The following SMIM45 variants were observed in gnomAD, a reference collection of about 807,000 sequenced individuals.
SMIM45 encodes small integral membrane protein 45.
At chr22:41,949,897 G>A in the SMIM45 span, among the ~76,000 whole-genome samples, 1 of 152,172 alleles carries the variant, frequency 6.6e-6, no homozygotes, top group Admixed American at 6.5e-5. Flanking sequence ...GGTAGGGATG[G>A]GGAGGAGGCC....
the SMIM45 span, chr22:41,952,450 G>C: frequency 6.6e-6 from 1 of 152,438 alleles, no homozygotes; most frequent in Admixed American, 6.5e-5. Context: ...GGAGGGCACC[G>C]AGTGGTGCCA....
the SMIM45 span, among the ~76,000 whole-genome samples, chr22:41,949,978 G>C: frequency 6.6e-6 from 1 of 152,100 alleles, no homozygotes; most frequent in Non-Finnish European, 1.5e-5. Context: ...CTCTGGGCCA[G>C]CATTTTTCAA....
the SMIM45 span, among the ~76,000 whole-genome samples, chr22:41,953,870 C>T: frequency 6.6e-6 from 1 of 150,768 alleles, no homozygotes; most frequent in Non-Finnish European, 1.5e-5. Context: ...CCTGCCTCAG[C>T]CTCCCAAGTA....
At chr22:41,954,956 A>T in the SMIM45 span, among the ~76,000 whole-genome samples, 1 of 152,132 alleles carries the variant, frequency 6.6e-6, no homozygotes, top group Non-Finnish European at 1.5e-5. Flanking sequence ...GTGAGCCGAG[A>T]TCATGCCATT....
chr22:41,952,612 G>A, the SMIM45 span, among the ~76,000 whole-genome samples: 1 of 152,228 alleles, frequency 6.6e-6, no homozygotes, highest in South Asian at 2.1e-4. Flanking sequence ...GGCCCAGAGA[G>A]GGTGAAGAAG....
At chr22:41,947,814 T>G in the SMIM45 span, among the ~76,000 whole-genome samples, 6 of 151,964 alleles carry the variant, frequency 3.9e-5, no homozygotes, top group Non-Finnish European at 4.4e-5. Context: ...TACAGGCAAG[T>G]GCCACCATGG....
the SMIM45 span, among the ~76,000 whole-genome samples, chr22:41,956,979 C>T: frequency 6.4e-3 from 973 of 152,146 alleles, 4 homozygotes; most frequent in Middle Eastern, 0.031. Context: ...TGGGGTTTCA[C>T]CATATTGGCC....
chr22:41,947,426 C>G, the SMIM45 span, among the ~76,000 whole-genome samples: 1 of 148,842 alleles, frequency 6.7e-6, no homozygotes, highest in African/African-American at 2.5e-5. Flanking sequence ...GAGTGCAATG[C>G]GCGCAATCTC....
the SMIM45 span, among the ~76,000 whole-genome samples, chr22:41,949,243 C>CAAAAA: frequency 7.5e-6 from 1 of 133,292 alleles, no homozygotes. Flanking sequence ...GACTCCATCT[C>CAAAAA]AAAAAAAAAA....
chr22:41,949,422 T>G, the SMIM45 span, among the ~76,000 whole-genome samples: 2 of 151,880 alleles, frequency 1.3e-5, no homozygotes, highest in African/African-American at 2.4e-5. Flanking sequence ...GCAGTGCAAG[T>G]GGAAAGCCCC....
chr22:41,954,314 T>A, the SMIM45 span, among the ~76,000 whole-genome samples: 6 of 150,444 alleles, frequency 4.0e-5, no homozygotes, highest in Non-Finnish European at 7.4e-5. Flanking sequence ...TCAAGCGATT[T>A]TCCTGCCTCA....
the SMIM45 span, among the ~76,000 whole-genome samples, chr22:41,949,275 TG>T: frequency 7.9e-5 from 12 of 151,088 alleles, no homozygotes; most frequent in African/African-American, 1.5e-4. Flanking sequence ...AAACTAAAGC[TG>T]TCTGGCAGAA....
At chr22:41,947,737 C>G in the SMIM45 span, among the ~76,000 whole-genome samples, 1 of 148,622 alleles carries the variant, frequency 6.7e-6, no homozygotes, top group Non-Finnish European at 1.5e-5. Context: ...ACGATCATAG[C>G]TCACTACAGC....
the SMIM45 span, among the ~76,000 whole-genome samples, chr22:41,947,477 C>T: frequency 7.9e-5 from 12 of 151,832 alleles, no homozygotes; most frequent in East Asian, 2.1e-3. Flanking sequence ...AAGCGATTCT[C>T]CTGCCTCAGC....
the SMIM45 span, among the ~76,000 whole-genome samples, chr22:41,949,877 C>T: frequency 1.3e-5 from 2 of 152,114 alleles, no homozygotes; most frequent in African/African-American, 4.8e-5. Flanking sequence ...AAGATCCATA[C>T]ATGATGAAGG....
At chr22:41,950,654 C>T in the SMIM45 span, among the ~76,000 whole-genome samples, 2 of 152,054 alleles carry the variant, frequency 1.3e-5, no homozygotes. Flanking sequence ...GCCATGATCA[C>T]ACCACTGTGC....
chr22:41,958,480 T>TAAG, the SMIM45 span: 1 of 314,408 alleles, frequency 3.2e-6, no homozygotes. Flanking sequence ...AGAGGGTTGG[T>TAAG]GAGGAGAGAG....
the SMIM45 span, among the ~76,000 whole-genome samples, chr22:41,952,670 A>C: frequency 6.6e-6 from 1 of 152,210 alleles, no homozygotes. Context: ...TTTTCCACCT[A>C]GGTCAGTTCC....
chr22:41,953,644 G>A, the SMIM45 span, among the ~76,000 whole-genome samples: 24 of 151,734 alleles, frequency 1.6e-4, no homozygotes, highest in Admixed American at 1.4e-3. Context: ...GGCTCCTCAC[G>A]TCACCCCTTT....
Sources: gnomAD v4.1 joint callset for allele counts (sites outside exome capture counted in the v4.1 genomes callset) on GRCh38, gnomAD v4.1.1 for gene constraint, MANE v1.5 for transcripts, NCBI Gene and HGNC (gene_info 2026-07-23, HGNC 2026-07-21) for gene names.